KLHL22: variants seen among roughly 807,000 people sequenced by gnomAD.
KLHL22 encodes the protein kelch-like protein 22.
Under a neutral mutation model 60.7 loss-of-function variants are expected in KLHL22, and 18 were observed. The observed-to-expected ratio is 0.30, with a 90% CI of 0.20 to 0.44. The LOEUF is 0.44. KLHL22 is among the 20% of genes least tolerant of loss of function. KLHL22 has a pLI of 1.00. For synonymous variants in KLHL22, 355 were observed against 354.5 expected (o/e 1.00, Z -0.01); for missense variants, 596 against 852.3 (o/e 0.70, Z 3.74).
intron 2 of KLHL22, among the ~76,000 whole-genome samples, chr22:20,479,056 G>A (rs2053458106): frequency 6.6e-6 from 1 of 151,516 alleles, no homozygotes; most frequent in Non-Finnish European, 1.5e-5. Flanking sequence ...TTGAACCTGG[G>A]AGGTGGAGGT....
At chr22:20,451,179 T>A (rs2052971577) in intron 5 of KLHL22, 1 of 1,593,260 alleles carries the variant, frequency 6.3e-7, no homozygotes, top group Non-Finnish European at 8.6e-7. Context: ...ACACAGCAGA[T>A]GAGGATGGGG....
chr22:20,482,745 G>GT, intron 2 of KLHL22: 4 of 531,876 alleles, frequency 7.5e-6, no homozygotes, highest in Admixed American at 7.7e-5. Flanking sequence ...GCTAATTTTT[G>GT]TATTTTTTTT....
At position 20,442,376 on chromosome 22, in the gene KLHL22, G is replaced by A. The variant is rs142035823; in HGVS notation, c.1602C>T (p.His534=). 17 of 1,613,206 alleles carry A rather than the reference G, an allele frequency of 1.1e-5. No individual in the cohort carries two copies. Among genetic ancestry groups the A allele is most frequent in the Admixed American group, 5.0e-5 (3 of 59,934 alleles). ...CCAGCACAGCAATGCCAGGCTCACC[G>A]TGCCCAGCAGGGAGTGGGCAGACAG... ...WSSVCPLPAG[H]GEPGIAVLDN... Residue 534 remains histidine (H), a synonymous_variant, in exon 7 of 7, where the codon CAC becomes CAT. Transcript: ENST00000328879.
At chr22:20,456,506 C>T (rs1243114906) in intron 5 of KLHL22, 2 of 152,228 alleles carry the variant, frequency 1.3e-5, no homozygotes, top group African/African-American at 2.4e-5. Flanking sequence ...CCTCCCACAA[C>T]ACCCACCTAG....
At position 20,465,325 on chromosome 22, in the gene KLHL22, C is replaced by T. The variant is rs747159073; in HGVS notation, c.645G>A (p.Glu215=). 6.8e-6 allele frequency: 11 copies of T among 1,614,120 alleles called. No individual in the cohort carries two copies. Among genetic ancestry groups the T allele is most frequent in the African/African-American group, 1.3e-5 (1 of 75,050 alleles). ...GGCTATAATGGTAGAGAAGGGCCCC[C>T]TCATATACCTCGGTCTCGCAGGAGA... is the stretch of plus-strand genomic sequence containing the variant. ...LEVSCETEVY[E]GALLYHYSLE... The change falls in exon 4 of 7, where the codon GAG becomes GAA. Residue 215 remains glutamate (E), a synonymous_variant. Transcript: ENST00000328879. The surrounding 1 kb of genome is among the most constrained non-coding windows in gnomAD (Gnocchi z 4.9).
intron 3 of KLHL22, among the ~76,000 whole-genome samples, chr22:20,470,734 G>A (rs1396228950): frequency 6.6e-6 from 1 of 151,180 alleles, no homozygotes; most frequent in Non-Finnish European, 1.5e-5. Flanking sequence ...ATGGATGGAT[G>A]GATGGATGGA....
At chr22:20,493,327 A>G in intron 1 of KLHL22, 1 of 438,958 alleles carries the variant, frequency 2.3e-6, no homozygotes, top group South Asian at 1.7e-5. Flanking sequence ...GGATATGCTG[A>G]AAAATGAATC....
At chr22:20,449,528 G>A (rs989557917) in intron 5 of KLHL22, among the ~76,000 whole-genome samples, 1 of 151,910 alleles carries the variant, frequency 6.6e-6, no homozygotes, top group Admixed American at 6.6e-5. Flanking sequence ...AGCCTCCCAA[G>A]TAGCTGGGAT....
chr22:20,465,159 C>A lies in KLHL22; in HGVS notation c.811G>T (p.Ala271Ser). Residue 271 changes from alanine to serine, a missense_variant, in exon 4 of 7, where the codon GCC becomes TCC. By Grantham distance (99) the Ala-to-Ser change is moderately conservative (BLOSUM62 1). Transcript: ENST00000328879. The surrounding 1 kb of genome is among the most constrained non-coding windows in gnomAD (Gnocchi z 4.9). ...TTCCGGTGGTACATGAGGGCGCTGG[C>A]CACTGTGTCCCTCAAAGGGCTGGGG... ...LDPSPLRDTV[A>S]SALMYHRNES... 6.2e-7 allele frequency: 1 copy of A among 1,613,840 alleles called. No homozygotes were observed. The highest frequency in any genetic ancestry group is 2.2e-5 in the East Asian group (1 of 44,878).
intron 4 of KLHL22, among the ~76,000 whole-genome samples, chr22:20,461,463 G>A (rs1464261864): frequency 1.4e-5 from 2 of 143,660 alleles, no homozygotes; most frequent in Non-Finnish European, 3.0e-5. Flanking sequence ...TGAGGCAGGA[G>A]AATGGTGTGA....
At chr22:20,451,712 C>A (rs1195171401) in intron 5 of KLHL22, 5 of 1,575,740 alleles carry the variant, frequency 3.2e-6, no homozygotes, top group Non-Finnish European at 4.4e-6. Flanking sequence ...GAAGGTAAGT[C>A]CCTGCTAAGT....
intron 2 of KLHL22, among the ~76,000 whole-genome samples, chr22:20,478,096 A>G (rs934644572): frequency 5.9e-5 from 9 of 152,208 alleles, no homozygotes; most frequent in Admixed American, 3.9e-4. Flanking sequence ...TAGGATTTAA[A>G]TATTTCAAAA....
intron 5 of KLHL22, chr22:20,451,855 A>C: frequency 6.3e-7 from 1 of 1,583,770 alleles, no homozygotes; most frequent in Middle Eastern, 2.2e-4. Flanking sequence ...AGAGCTAGTG[A>C]CCAGTCCAGT....
At chr22:20,460,372 G>T (rs1471900035) in intron 4 of KLHL22, among the ~76,000 whole-genome samples, 5 of 152,120 alleles carry the variant, frequency 3.3e-5, no homozygotes, top group Non-Finnish European at 7.4e-5. Flanking sequence ...ACTTTGGGAG[G>T]CTGAGGCGGG....
At chr22:20,450,395 A>G (rs2052957482) in intron 5 of KLHL22, 2 of 1,470,336 alleles carry the variant, frequency 1.4e-6, no homozygotes, top group Non-Finnish European at 1.9e-6. Flanking sequence ...CTTTGTGTAC[A>G]CGGAAACAGT....
At chr22:20,468,060 C>A (rs1372639907) in intron 3 of KLHL22, among the ~76,000 whole-genome samples, 1 of 152,114 alleles carries the variant, frequency 6.6e-6, no homozygotes, top group Non-Finnish European at 1.5e-5. Flanking sequence ...CTGGATGAGA[C>A]CTACCAAATG....
rs2053011263 is a variant in KLHL22, at chr22:20,453,419, A to C, written c.1305+4389T>G. Among the ~76,000 whole-genome samples the C allele has an allele frequency of 3.3e-5, 5 of 152,064 alleles. No homozygotes were observed. In the South Asian group the frequency reaches 1.0e-3, roughly 31 times the overall value. ...GCTGAAAGATATCTTTCCTCCACTC[A>C]ATTGTTTCTGCACCTTTGTCCAAAA... On this transcript the variant is annotated intron_variant, in intron 5 of 6. Transcript: ENST00000328879.
intron 3 of KLHL22, among the ~76,000 whole-genome samples, chr22:20,468,106 T>C (rs953104982): frequency 2.6e-5 from 4 of 151,948 alleles, no homozygotes; most frequent in Admixed American, 1.3e-4. Flanking sequence ...GGTATCCCCA[T>C]GGTGCTTTGC....
At chr22:20,443,608 A>G (rs1455517342) in intron 6 of KLHL22, among the ~76,000 whole-genome samples, 4 of 152,168 alleles carry the variant, frequency 2.6e-5, no homozygotes, top group African/African-American at 7.2e-5. Context: ...GCATGGTGGC[A>G]CATGCCTGTA....
Sources: allele counts gnomAD v4.1 joint callset (sites outside exome capture counted in the v4.1 genomes callset), GRCh38; gene constraint gnomAD v4.1.1; non-coding constraint Gnocchi (gnomAD v3.1); transcripts MANE v1.5; gene names NCBI Gene and HGNC (gene_info 2026-07-23, HGNC 2026-07-21).